Variants in COL28A1 observed in about 807,000 individuals in gnomAD.
COL28A1 encodes the protein collagen type XXVIII alpha 1 chain.
COL28A1 carries 161 observed loss-of-function variants against 150.2 expected under a neutral mutation model. The observed-to-expected ratio is 1.07, with a 90% confidence interval of 0.94 to 1.22. The LOEUF (loss-of-function observed/expected upper bound fraction) is 1.22. COL28A1 is among the 50% of genes most tolerant of loss of function. The pLI, the probability that COL28A1 is intolerant of heterozygous loss-of-function variation, is 0.00. For missense variants in COL28A1, 1,617 were observed against 1,388.3 expected, an observed-to-expected ratio of 1.16 and a Z score of -2.62; for synonymous variants, 552 against 469.7, an observed-to-expected ratio of 1.18 and a Z score of -2.26.
intron 27 of COL28A1, among the ~76,000 whole-genome samples, chr7:7,383,507 G>A (rs528758561): frequency 6.6e-6 from 1 of 151,730 alleles, no homozygotes; most frequent in Non-Finnish European, 1.5e-5. Context: ...TCAAACTCCT[G>A]ACCTTAGGTG....
chr7:7,358,872 G>T, intron 34 of COL28A1, 67 bp from the exon 35 acceptor site: 2 of 1,296,572 alleles, frequency 1.5e-6, no homozygotes, highest in Non-Finnish European at 2.1e-6. Flanking sequence ...AATAAAAACT[G>T]TATAAAGTTA....
chr7:7,402,762 T>C (rs555584839), intron 27 of COL28A1, among the ~76,000 whole-genome samples: 2 of 152,348 alleles, frequency 1.3e-5, no homozygotes, highest in African/African-American at 2.4e-5. Flanking sequence ...GGAGACTTCA[T>C]AGAATCTAAT....
At chr7:7,366,814 G>C (rs1018438263) in intron 33 of COL28A1, among the ~76,000 whole-genome samples, 1 of 152,200 alleles carries the variant, frequency 6.6e-6, no homozygotes, top group Non-Finnish European at 1.5e-5. Flanking sequence ...GTATTGCCTA[G>C]GGTAGGCTCA....
chr7:7,410,962 G>T (rs1783757118), intron 27 of COL28A1, among the ~76,000 whole-genome samples: 1 of 152,016 alleles, frequency 6.6e-6, no homozygotes, highest in Admixed American at 6.6e-5. Flanking sequence ...TTCAAGCATG[G>T]CAATTTTCTG....
chr7:7,507,370 T>C (rs929818606), intron 9 of COL28A1, among the ~76,000 whole-genome samples: 1 of 152,174 alleles, frequency 6.6e-6, no homozygotes, highest in Non-Finnish European at 1.5e-5. Context: ...TCCATGAAAA[T>C]ACAATTTTAG....
chr7:7,494,555 C>T (rs757364250), intron 11 of COL28A1, among the ~76,000 whole-genome samples: 2 of 152,222 alleles, frequency 1.3e-5, no homozygotes, highest in Non-Finnish European at 2.9e-5. Context: ...TAACCAGTCA[C>T]ACAACACCTG....
intron 30 of COL28A1, 143 bp from the exon 31 acceptor site, chr7:7,375,640 A>G: frequency 4.2e-6 from 2 of 470,944 alleles, no homozygotes; most frequent in Non-Finnish European, 3.4e-6. Flanking sequence ...ACAACACAGA[A>G]GTCAAAAGCT....
intron 26 of COL28A1, among the ~76,000 whole-genome samples, chr7:7,419,030 G>T (rs1345352804): frequency 6.6e-6 from 1 of 151,992 alleles, no homozygotes; most frequent in Non-Finnish European, 1.5e-5. Flanking sequence ...GTGCATTTTC[G>T]GCATGAATAT....
intron 21 of COL28A1, 115 bp from the exon 22 acceptor site, chr7:7,437,577 C>A: frequency 7.2e-7 from 1 of 1,383,292 alleles, no homozygotes; most frequent in Admixed American, 3.1e-5. Flanking sequence ...TGACCTCTAT[C>A]TGTTTCAAAG....
intron 27 of COL28A1, among the ~76,000 whole-genome samples, chr7:7,388,334 A>C (rs1782322718): frequency 6.6e-6 from 1 of 152,098 alleles, no homozygotes; most frequent in Non-Finnish European, 1.5e-5. Context: ...TCTGCAAAGG[A>C]CATGAACTCA....
intron 15 of COL28A1, among the ~76,000 whole-genome samples, chr7:7,465,100 G>T (rs573850025): frequency 2.7e-5 from 4 of 150,742 alleles, no homozygotes; most frequent in Admixed American, 2.6e-4. Context: ...ACCGGGGGAG[G>T]AGCCAAGATG....
chr7:7,421,926 A>G (rs573364976), intron 25 of COL28A1, among the ~76,000 whole-genome samples: 1 of 152,236 alleles, frequency 6.6e-6, no homozygotes, highest in South Asian at 2.1e-4. Flanking sequence ...AGGGTCCCCA[A>G]GTTCCTGCCA....
intron 15 of COL28A1, among the ~76,000 whole-genome samples, chr7:7,462,375 A>C (rs1324123155): frequency 2.0e-5 from 3 of 152,214 alleles, no homozygotes; most frequent in African/African-American, 7.2e-5. Context: ...CCAAACAAGA[A>C]GACATCCTTG....
At chr7:7,500,751 G>C (rs1372846649) in intron 11 of COL28A1, among the ~76,000 whole-genome samples, 1 of 151,834 alleles carries the variant, frequency 6.6e-6, no homozygotes, top group East Asian at 1.9e-4. Flanking sequence ...TCTAGCTCTT[G>C]TTTACTGAAT....
chr7:7,515,698 G>C, intron 8 of COL28A1, 116 bp downstream of exon 8: 2 of 724,628 alleles, frequency 2.8e-6, no homozygotes, highest in South Asian at 1.6e-5. Flanking sequence ...TCAGGAATGA[G>C]GGAATCCAGA....
At chr7:7,493,745 A>T (rs1164684477) in intron 11 of COL28A1, among the ~76,000 whole-genome samples, 1 of 152,074 alleles carries the variant, frequency 6.6e-6, no homozygotes, top group Non-Finnish European at 1.5e-5. Context: ...TGTCTGGGTA[A>T]AAACAAAACA....
chr7:7,356,326 G>A (rs1330274980), downstream of COL28A1: 1 of 152,120 alleles, frequency 6.6e-6, no homozygotes, highest in African/African-American at 2.4e-5. Context: ...TGGTAAATAC[G>A]AAGTTCAAAA....
chr7:7,520,077 T>C lies in COL28A1; in HGVS notation c.798A>G (p.Gly266=). ...HGNPGIKGER[G]PKGNPGNAQK... is the part of the protein sequence containing the mutation. The stretch of plus-strand genomic sequence containing the variant: ...ATTCATTTACCGGGTTTCCTTTTGG[T>C]CCTCGCTCACCTTTGATACCTGGAT... The change falls in exon 6 of 35, where the codon GGA becomes GGG. Residue 266 remains glycine, a synonymous_variant. Transcript: ENST00000399429. 1 of 1,433,938 alleles carries C rather than the reference T, an allele frequency of 7.0e-7. No homozygotes were observed. The highest frequency in any genetic ancestry group is 2.3e-5 in the East Asian group (1 of 44,032). The allele number at this position is 1,433,938 out of a possible 1,614,324, so 88.8% of individuals were successfully genotyped here. A position where few individuals can be genotyped will look rare whatever the true frequency, so the allele number is the denominator to read the frequency against.
chr7:7,529,696 C>T (rs1356115515), intron 3 of COL28A1, among the ~76,000 whole-genome samples: 1 of 152,110 alleles, frequency 6.6e-6, no homozygotes, highest in East Asian at 1.9e-4. Context: ...GCTGCCTGTC[C>T]CGCATCTTCT....
Sources: allele counts gnomAD v4.1 joint callset (sites outside exome capture counted in the v4.1 genomes callset), GRCh38; gene constraint gnomAD v4.1.1; transcripts MANE v1.5; gene names NCBI Gene and HGNC (gene_info 2026-07-23, HGNC 2026-07-21).